Variants in STK38L observed in about 807,000 individuals in gnomAD.
STK38L encodes the protein serine/threonine kinase 38 like.
In STK38L, 28 loss-of-function variants were observed where a neutral mutation model predicts 59.7. The observed-to-expected ratio is 0.47, with a 90% CI of 0.35 to 0.64. The LOEUF (loss-of-function observed/expected upper bound fraction) is 0.64, where lower values mean the gene tolerates loss of function less well. STK38L is among the 30% of genes least tolerant of loss of function. STK38L has a pLI of 0.01. For synonymous variants in STK38L, 162 were observed against 176.8 expected (o/e 0.92, Z 0.66); for missense variants, 314 against 555.8 (o/e 0.56, Z 4.37).
At position 27,312,559 on chromosome 12, in the gene STK38L, T is replaced by C; in HGVS notation, c.404T>C (p.Ile135Thr). Residue 135 changes from isoleucine to threonine, a missense_variant, in exon 6 of 14, where the codon ATC becomes ACC. Transcript: ENST00000389032. ...AATATATTCATCTAGGTGGCCCATA[T>C]CCGAGCAGAAAGAGATATTTTGGTA... ...DMLEKEQVAH[I>T]RAERDILVEA... 1 of 1,613,880 alleles carries C rather than the reference T, an allele frequency of 6.2e-7. No homozygotes were observed.
chr12:27,290,697 G>C lies in STK38L; in HGVS notation c.-11-7013G>C, dbSNP rs79068442. Among the ~76,000 whole-genome samples, 889 of 152,302 alleles carry C rather than the reference G, an allele frequency of 5.8e-3. 5 individuals are homozygous for C. The highest frequency in any genetic ancestry group is 6.7e-3 in the Non-Finnish European group (453 of 68,020). Reference sequence around the variant, plus strand: ...TAATAAAATGTGGGTAATAAAAAGTGAATGAGTCTGGGCACGTGGGAATGG... The same window carrying C: ...TAATAAAATGTGGGTAATAAAAAGTCAATGAGTCTGGGCACGTGGGAATGG... On this transcript the variant is annotated intron_variant, in intron 1 of 13. Coordinates refer to ENST00000389032, the MANE Select transcript of STK38L (RefSeq NM_015000.4).
chr12:27,314,535 C>T lies in STK38L; in HGVS notation c.549C>T (p.Asp183=), dbSNP rs747519525. 4 of 1,587,590 alleles carry T rather than the reference C, an allele frequency of 2.5e-6. No homozygotes were observed. In the South Asian group the frequency reaches 4.6e-5, roughly 18 times the overall value. Residue 183 remains aspartate (D), a synonymous_variant, in exon 7 of 14, where the codon GAC becomes GAT. Transcript: ENST00000389032. The part of the protein sequence containing the change: ...GDMMTLLMKK[D]TLTEEETQFY... ...TGATGACATTGCTAATGAAGAAAGA[C>T]ACCTTGACAGAAGAGGAAACACAGT...
chr12:27,300,325 A>C (rs1944134979), intron 2 of STK38L, among the ~76,000 whole-genome samples: 2 of 152,198 alleles, frequency 1.3e-5, no homozygotes, highest in Admixed American at 1.3e-4. Context: ...GTGGAAAACT[A>C]TTTTTAAAAA....
intron 12 of STK38L, among the ~76,000 whole-genome samples, chr12:27,320,901 G>A (rs1944713846): frequency 6.6e-6 from 1 of 151,726 alleles, no homozygotes; most frequent in Non-Finnish European, 1.5e-5. Flanking sequence ...CCTGGTGGAG[G>A]CCTAACTCTT....
intron 5 of STK38L, 40 bp downstream of exon 5, chr12:27,309,237 A>C: frequency 6.9e-7 from 1 of 1,447,614 alleles, no homozygotes; most frequent in South Asian, 1.2e-5. Context: ...AGGAGCATCC[A>C]CTGACGCAGT....
chr12:27,310,760 G>C (rs940815504), intron 5 of STK38L, among the ~76,000 whole-genome samples: 2 of 152,190 alleles, frequency 1.3e-5, no homozygotes, highest in Non-Finnish European at 2.9e-5. Context: ...ACAATATTTT[G>C]TGGGAAGTTA....
rs1944559624 is a variant in STK38L at position 27,315,279 on chromosome 12, T to C, written c.776-10T>C. ...CCCTCGTGATTACAATTCCATATTG[T>C]TGAAATTAGCATTTCAGAACATGAA... On this transcript the variant is annotated splice_polypyrimidine_tract_variant and intron_variant, in intron 8 of 13. Transcript: ENST00000389032. 1 of 1,613,146 alleles carries C rather than the reference T, an allele frequency of 6.2e-7. No individual in the cohort carries two copies.
At chr12:27,258,397 T>G (rs1187914296) in intron 1 of STK38L, among the ~76,000 whole-genome samples, 1 of 152,072 alleles carries the variant, frequency 6.6e-6, no homozygotes, top group Admixed American at 6.5e-5. Context: ...TGATCTCGGC[T>G]CACTGCAACT....
chr12:27,323,447 C>A lies in STK38L; in HGVS notation c.*992C>A, dbSNP rs971146842. The stretch of plus-strand genomic sequence containing the variant: ...ACTTTGGTTTTCTAGAAAGTTGTTA[C>A]ATATCATGGCTGGTTAACTTTTATT... On this transcript the variant is annotated 3_prime_UTR_variant, in exon 14 of 14. Transcript: ENST00000389032. The A allele has an allele frequency of 1.3e-5, 2 of 152,548 alleles. No individual in the cohort carries two copies. Among genetic ancestry groups the A allele is most frequent in the Admixed American group, 1.3e-4 (2 of 15,272 alleles). The allele number at this position is 152,548 out of a possible 1,614,324, so 9.4% of individuals were successfully genotyped here. A position where few individuals can be genotyped will look rare whatever the true frequency, so the allele number is the denominator to read the frequency against.
intron 10 of STK38L, 186 bp downstream of exon 10, chr12:27,317,639 G>T: frequency 2.8e-6 from 2 of 705,876 alleles, no homozygotes; most frequent in South Asian, 4.0e-5. Context: ...TTTCAGGAAG[G>T]TGGGTATTTA....
intron 1 of STK38L, among the ~76,000 whole-genome samples, chr12:27,266,290 A>G (rs1340369491): frequency 6.6e-6 from 1 of 152,232 alleles, no homozygotes; most frequent in Non-Finnish European, 1.5e-5. Flanking sequence ...GGTCCAGTCC[A>G]CATATTCCCT....
At chr12:27,256,063 T>C (rs1210372956) in intron 1 of STK38L, among the ~76,000 whole-genome samples, 2 of 152,204 alleles carry the variant, frequency 1.3e-5, no homozygotes, top group African/African-American at 2.4e-5. Context: ...CATCTAGTCA[T>C]TTTTTAGGTC....
intron 5 of STK38L, among the ~76,000 whole-genome samples, chr12:27,310,365 G>A (rs1042588040): frequency 6.6e-6 from 1 of 152,134 alleles, no homozygotes; most frequent in Non-Finnish European, 1.5e-5. Context: ...AAGGACGTGG[G>A]TAAAGATGCA....
intron 1 of STK38L, among the ~76,000 whole-genome samples, chr12:27,259,681 A>G (rs1355368015): frequency 6.6e-6 from 1 of 151,992 alleles, no homozygotes; most frequent in East Asian, 1.9e-4. Flanking sequence ...TACACCATTT[A>G]CCTTAACCAA....
intron 9 of STK38L, 66 bp from the exon 10 acceptor site, chr12:27,317,270 A>T: frequency 2.6e-6 from 3 of 1,167,320 alleles, no homozygotes; most frequent in Non-Finnish European, 3.7e-6. Context: ...TCCAGTAGTA[A>T]GCCATCCTCA....
chr12:27,315,806 CAG>C (rs1944571909), intron 9 of STK38L, among the ~76,000 whole-genome samples: 3 of 152,288 alleles, frequency 2.0e-5, no homozygotes, highest in East Asian at 1.9e-4. Flanking sequence ...TACAATAAAA[CAG>C]ATAAAATTTG....
rs527344582 is a variant in STK38L, at chr12:27,288,809, G to T, written c.-11-8901G>T. On this transcript the variant is annotated intron_variant, in intron 1 of 13. Coordinates refer to ENST00000389032, the MANE Select transcript of STK38L (RefSeq NM_015000.4). ...CAAATAATGTTGACATACTCACTCT[G>T]GTCTCCCCTCACCTTCGTTACCCAT... is the stretch of plus-strand genomic sequence containing the variant. Among the ~76,000 whole-genome samples the T allele has an allele frequency of 5.3e-5, 8 of 151,518 alleles. No individual in the cohort carries two copies. In the East Asian group the frequency reaches 1.5e-3, roughly 29 times the overall value.
At chr12:27,309,051 T>C (rs6487599) in intron 4 of STK38L, 63 bp from the exon 5 acceptor site, 1,116,734 of 1,184,040 alleles carry the variant, frequency 0.94, 526,882 homozygotes, top group East Asian at 1. Context: ...TTAAGGGAAG[T>C]TACTTTTCTT....
At chr12:27,318,098 G>C in intron 11 of STK38L, 79 bp downstream of exon 11, 2 of 1,530,150 alleles carry the variant, frequency 1.3e-6, no homozygotes, top group Non-Finnish European at 1.8e-6. Context: ...TCACTTTTGT[G>C]GGGGAAGAGG....
Sources: allele counts gnomAD v4.1 joint callset (sites outside exome capture counted in the v4.1 genomes callset), GRCh38; gene constraint gnomAD v4.1.1; transcripts MANE v1.5; gene names NCBI Gene and HGNC (gene_info 2026-07-23, HGNC 2026-07-21).